WDPCP: variants seen among roughly 807,000 people sequenced by gnomAD.
WDPCP encodes the protein WD repeat containing planar cell polarity effector, also known as WD repeat-containing and planar cell polarity effector protein fritz homolog.
Under a neutral mutation model 93.1 loss-of-function variants are expected in WDPCP, and 71 were observed. The observed-to-expected ratio is 0.76, with a 90% CI of 0.63 to 0.93. The LOEUF is 0.93. WDPCP is among the 40% of genes least tolerant of loss of function. WDPCP has a pLI of 0.00. For missense variants in WDPCP, 844 were observed against 887.4 expected, an observed-to-expected ratio of 0.95 and a Z score of 0.62; for synonymous variants, 315 against 315.0, an observed-to-expected ratio of 1.00 and a Z score of 0.00.
At chr2:63,597,212 T>C in intron 3 of WDPCP, 1 of 884,446 alleles carries the variant, frequency 1.1e-6, no homozygotes, top group Non-Finnish European at 1.4e-6. Flanking sequence ...AATAAATCTA[T>C]TGACATTTCT....
chr2:63,481,068 A>G (rs1307788505), intron 6 of WDPCP, among the ~76,000 whole-genome samples: 22 of 152,112 alleles, frequency 1.4e-4, no homozygotes, highest in Non-Finnish European at 1.5e-5. Flanking sequence ...CCATAAAAAA[A>G]GTGGGTTAAG....
intron 2 of WDPCP, among the ~76,000 whole-genome samples, chr2:63,679,024 C>T (rs1447379521): frequency 6.6e-6 from 1 of 152,222 alleles, no homozygotes; most frequent in East Asian, 1.9e-4. Flanking sequence ...TAGCCTGGAG[C>T]TTGCTCCTAC....
chr2:63,278,768 G>A (rs1261680075), intron 13 of WDPCP, among the ~76,000 whole-genome samples: 1 of 152,206 alleles, frequency 6.6e-6, no homozygotes, highest in Admixed American at 6.5e-5. Context: ...AGAGCTTGCA[G>A]TGAGCCAAGA....
intron 13 of WDPCP, among the ~76,000 whole-genome samples, chr2:63,299,745 C>T (rs1382299677): frequency 6.6e-6 from 1 of 152,088 alleles, no homozygotes; most frequent in African/African-American, 2.4e-5. Flanking sequence ...AACTCCAGTC[C>T]CCTTCCATAG....
chr2:63,381,868 A>G, intron 11 of WDPCP, 38 bp downstream of exon 11: 1 of 1,605,384 alleles, frequency 6.2e-7, no homozygotes, highest in South Asian at 1.1e-5. Flanking sequence ...TTTCATGTAT[A>G]TACAAAACTC....
intron 14 of WDPCP, among the ~76,000 whole-genome samples, chr2:63,202,091 G>GATTTTCTT (rs577674274): frequency 2.9e-4 from 44 of 150,246 alleles, no homozygotes; most frequent in Non-Finnish European, 5.6e-4. Context: ...AAGATTTTCT[G>GATTTTCTT]ATTTTCTTAA....
chr2:63,486,782 G>C (rs1402221283), intron 3 of WDPCP, among the ~76,000 whole-genome samples, 196 bp from the exon 4 acceptor site: 1 of 151,882 alleles, frequency 6.6e-6, no homozygotes, highest in Non-Finnish European at 1.5e-5. Context: ...TCATTTCATA[G>C]AGATATTTCC....
intron 6 of WDPCP, chr2:63,442,072 T>C (rs1366993526): frequency 2.6e-5 from 4 of 152,082 alleles, no homozygotes; most frequent in African/African-American, 9.7e-5. Context: ...AGGCTGAGGA[T>C]ACAACTGACT....
At chr2:63,177,354 A>G (rs1464336181) in intron 14 of WDPCP, among the ~76,000 whole-genome samples, 1 of 152,236 alleles carries the variant, frequency 6.6e-6, no homozygotes, top group Non-Finnish European at 1.5e-5. Flanking sequence ...TTTTAACAAC[A>G]TGAAGTATTC....
chr2:63,536,997 G>A (rs567129871), intron 1 of WDPCP, among the ~76,000 whole-genome samples: 2 of 151,978 alleles, frequency 1.3e-5, no homozygotes, highest in East Asian at 1.9e-4. Context: ...CAAACTCTGG[G>A]CCTCAAGTGA....
intron 17 of WDPCP, among the ~76,000 whole-genome samples, chr2:63,138,069 ATTTT>A (rs34667163): frequency 7.7e-5 from 9 of 117,092 alleles, no homozygotes; most frequent in Non-Finnish European, 1.0e-4. Flanking sequence ...GTTCCATATG[ATTTT>A]TTTTTTTTTT....
chr2:63,289,637 T>C (rs1405712255), intron 13 of WDPCP, among the ~76,000 whole-genome samples: 1 of 152,060 alleles, frequency 6.6e-6, no homozygotes, highest in African/African-American at 2.4e-5. Flanking sequence ...AGAATGTGTA[T>C]TCTGCAGTTG....
chr2:63,198,310 G>A (rs1340393673), intron 14 of WDPCP, among the ~76,000 whole-genome samples: 1 of 152,104 alleles, frequency 6.6e-6, no homozygotes, highest in African/African-American at 2.4e-5. Flanking sequence ...TTTAATTAAA[G>A]AGTTTTTACA....
intron 14 of WDPCP, among the ~76,000 whole-genome samples, chr2:63,195,240 A>G (rs1459236684): frequency 6.6e-6 from 1 of 152,180 alleles, no homozygotes; most frequent in African/African-American, 2.4e-5. Context: ...AGTGTTTCAT[A>G]TACGCAAATT....
chr2:63,384,808 T>A (rs1692597488), intron 10 of WDPCP, among the ~76,000 whole-genome samples: 1 of 151,406 alleles, frequency 6.6e-6, no homozygotes, highest in Non-Finnish European at 1.5e-5. Flanking sequence ...TAAGAGAGAA[T>A]ACTTCCCAAC....
intron 6 of WDPCP, chr2:63,441,309 C>T (rs371357878): frequency 6.6e-6 from 1 of 152,070 alleles, no homozygotes; most frequent in Non-Finnish European, 1.5e-5. Context: ...AGAATCCCCC[C>T]ATAGCAACAC....
intron 14 of WDPCP, among the ~76,000 whole-genome samples, chr2:63,246,348 T>C (rs1680273899): frequency 6.6e-6 from 1 of 152,164 alleles, no homozygotes; most frequent in African/African-American, 2.4e-5. Context: ...CTGGCCTGGG[T>C]GATGACTGCA....
chr2:63,751,369 G>A (rs186726770), intron 2 of WDPCP, among the ~76,000 whole-genome samples: 94 of 151,738 alleles, frequency 6.2e-4, no homozygotes, highest in East Asian at 4.5e-3. Context: ...TTTATTCAGC[G>A]TCATGATCAG....
intron 3 of WDPCP, among the ~76,000 whole-genome samples, chr2:63,620,619 G>A (rs1283797646): frequency 6.6e-6 from 1 of 152,230 alleles, no homozygotes; most frequent in Non-Finnish European, 1.5e-5. Context: ...AAACGTTCCT[G>A]TCTGCCAGCT....
Sources: allele counts gnomAD v4.1 joint callset (sites outside exome capture counted in the v4.1 genomes callset), GRCh38; gene constraint gnomAD v4.1.1; transcripts MANE v1.5; gene names NCBI Gene and HGNC (gene_info 2026-07-23, HGNC 2026-07-21).